The following MRPS6 variants were observed in gnomAD, a reference collection of about 807,000 sequenced individuals.
MRPS6 encodes mitochondrial ribosomal protein S6.
Under a neutral mutation model 13.1 loss-of-function variants are expected in MRPS6, and 6 were observed. The observed-to-expected ratio is 0.46, with a 90% CI of 0.25 to 0.91. MRPS6 has a LOEUF of 0.91. Among genes scored for constraint, MRPS6 ranks in the 40% least tolerant of loss-of-function variants. The pLI is 0.18. For missense variants in MRPS6, 164 were observed against 155.6 expected (o/e 1.05, Z -0.29); for synonymous variants, 61 against 56.5 (o/e 1.08, Z -0.36).
chr21:34,109,956 T>G (rs1437131154), intron 1 of MRPS6, among the ~76,000 whole-genome samples: 5 of 152,200 alleles, frequency 3.3e-5, no homozygotes, highest in African/African-American at 1.2e-4. Context: ...GGGAGCATAA[T>G]TAGGTGCTTG....
chr21:34,084,241 A>G (rs117050296), intron 1 of MRPS6, among the ~76,000 whole-genome samples: 2,304 of 151,342 alleles, frequency 0.015, 18 homozygotes, highest in Non-Finnish European at 0.024. Context: ...TTCTATTTAT[A>G]ACTTGGCCTG....
At chr21:34,097,811 A>C (rs1305543663) in intron 1 of MRPS6, 2 of 999,012 alleles carry the variant, frequency 2.0e-6, no homozygotes, top group African/African-American at 1.7e-5. Flanking sequence ...TTGTACAATC[A>C]GTTATGTACT....
intron 1 of MRPS6, among the ~76,000 whole-genome samples, chr21:34,116,849 A>G (rs1178661712): frequency 1.3e-5 from 2 of 152,174 alleles, no homozygotes; most frequent in African/African-American, 2.4e-5. Context: ...CCTGGTCAGC[A>G]TAAGTAAACA....
At chr21:34,102,768 A>T (rs946894134) in intron 1 of MRPS6, 1 of 1,000,040 alleles carries the variant, frequency 1.0e-6, no homozygotes, top group African/African-American at 1.7e-5. Flanking sequence ...GTTTTGCTCT[A>T]TACCACTGAA....
chr21:34,135,581 T>G (rs1980666936), intron 2 of MRPS6: 1 of 434,898 alleles, frequency 2.3e-6, no homozygotes. Context: ...AGAGTGCCTG[T>G]GCACAGCAAC....
At chr21:34,098,493 T>C (rs1250456952) in intron 1 of MRPS6, 1 of 1,000,158 alleles carries the variant, frequency 1.0e-6, no homozygotes, top group Non-Finnish European at 1.2e-6. Context: ...ACTTTCCATC[T>C]GTACACAGCC....
intron 1 of MRPS6, chr21:34,100,754 A>C: frequency 1.0e-6 from 1 of 1,000,184 alleles, no homozygotes; most frequent in African/African-American, 1.7e-5. Flanking sequence ...CTGTATTCGC[A>C]GTCCATGGCT....
chr21:34,130,525 C>G (rs1329358880), intron 2 of MRPS6, among the ~76,000 whole-genome samples: 1 of 152,258 alleles, frequency 6.6e-6, no homozygotes, highest in South Asian at 2.1e-4. Context: ...GGGGCACAGT[C>G]TGTCTTGGGG....
At chr21:34,128,870 G>T (rs1980401965) in intron 2 of MRPS6, among the ~76,000 whole-genome samples, 1 of 152,190 alleles carries the variant, frequency 6.6e-6, no homozygotes, top group African/African-American at 2.4e-5. Flanking sequence ...CAGGGATTGG[G>T]ACAATATCTC....
chr21:34,129,230 C>T (rs1484565090), intron 2 of MRPS6, among the ~76,000 whole-genome samples: 3 of 152,070 alleles, frequency 2.0e-5, no homozygotes, highest in Non-Finnish European at 2.9e-5. Context: ...GCCAGAACCA[C>T]GTCACTCACT....
rs117732316 is a variant in MRPS6, at chr21:34,112,151, C to T, written c.46-13190C>T. ...TTATGACTCAGTATAATCTTTTCTT[C>T]CTTTCTAGTTATATTAAGTACAGTT... On this transcript the variant is annotated intron_variant, in intron 1 of 2. Transcript: ENST00000399312. 5.8e-3 allele frequency among the ~76,000 whole-genome samples: 878 copies of T among 152,200 alleles called. 5 individuals carry two copies. The highest frequency in any genetic ancestry group is 8.5e-3 in the Non-Finnish European group (580 of 68,004).
intron 1 of MRPS6, chr21:34,123,834 A>C (rs1980207270): frequency 6.6e-6 from 1 of 152,106 alleles, no homozygotes; most frequent in African/African-American, 2.4e-5. Context: ...CCATCTTGCC[A>C]AATGCCCATG....
At chr21:34,082,915 G>A (rs1453611789) in intron 1 of MRPS6, among the ~76,000 whole-genome samples, 1 of 152,048 alleles carries the variant, frequency 6.6e-6, no homozygotes, top group Non-Finnish European at 1.5e-5. Context: ...TGTCCACTTT[G>A]GGCATACCTC....
chr21:34,134,307 A>G (rs564605708), intron 2 of MRPS6, among the ~76,000 whole-genome samples: 1 of 152,328 alleles, frequency 6.6e-6, no homozygotes, highest in East Asian at 1.9e-4. Flanking sequence ...TCAGTGAGCA[A>G]ATGTGCAAGT....
chr21:34,137,985 A>G (rs553706809), intron 2 of MRPS6, among the ~76,000 whole-genome samples: 1 of 152,164 alleles, frequency 6.6e-6, no homozygotes, highest in Admixed American at 6.5e-5. Flanking sequence ...TTAATATATG[A>G]TAGTAGTGAA....
chr21:34,140,836 G>T (rs1205006863), intron 2 of MRPS6, among the ~76,000 whole-genome samples: 1 of 152,118 alleles, frequency 6.6e-6, no homozygotes, highest in East Asian at 1.9e-4. Context: ...TCTGAAGTCT[G>T]CTTTGTCTGA....
At chr21:34,091,815 G>GT (rs1417588112) in intron 1 of MRPS6, among the ~76,000 whole-genome samples, 4 of 152,124 alleles carry the variant, frequency 2.6e-5, no homozygotes, top group African/African-American at 9.7e-5. Flanking sequence ...CTAGGGGACT[G>GT]TTTCTTTTTG....
At chr21:34,091,561 CTCTT>C (rs557718118) in intron 1 of MRPS6, among the ~76,000 whole-genome samples, 44 of 152,048 alleles carry the variant, frequency 2.9e-4, no homozygotes, top group African/African-American at 8.9e-4. Context: ...ACCTTTTTTT[CTCTT>C]TCTATTTGGT....
intron 2 of MRPS6, among the ~76,000 whole-genome samples, chr21:34,127,939 G>A (rs953089505): frequency 3.9e-5 from 6 of 152,202 alleles, no homozygotes; most frequent in Non-Finnish European, 5.9e-5. Context: ...GCTATGACAC[G>A]TATCCGAAAT....
Sources: gnomAD v4.1 joint callset for allele counts (sites outside exome capture counted in the v4.1 genomes callset) on GRCh38, gnomAD v4.1.1 for gene constraint, MANE v1.5 for transcripts, NCBI Gene and HGNC (gene_info 2026-07-23, HGNC 2026-07-21) for gene names.